The following ZSWIM9 variants were observed in gnomAD, a reference collection of about 807,000 sequenced individuals.
The protein encoded by ZSWIM9 is uncharacterized protein ZSWIM9.
A neutral mutation model predicts 25.0 loss-of-function variants in ZSWIM9; 11 were observed. The observed-to-expected ratio is 0.44, with a 90% CI of 0.28 to 0.73. The LOEUF is 0.73. Ranked by LOEUF, ZSWIM9 falls within the 30% of genes least tolerant of loss-of-function variation. The probability of loss-of-function intolerance (pLI) is 0.16; values close to 1 mark genes in which losing one functional copy is unlikely to be tolerated. For synonymous variants in ZSWIM9, 562 were observed against 582.1 expected, an observed-to-expected ratio of 0.97 and a Z score of 0.50; for missense variants, 1,070 against 1,296.5, an observed-to-expected ratio of 0.83 and a Z score of 2.68.
At chr19:48,171,049 C>A (rs995369242) in intron 1 of ZSWIM9, among the ~76,000 whole-genome samples, 1 of 151,994 alleles carries the variant, frequency 6.6e-6, no homozygotes, top group African/African-American at 2.4e-5. Flanking sequence ...GTGACACTTC[C>A]GAGGAGAACT....
chr19:48,181,369 T>C (rs2036947191), intron 2 of ZSWIM9: 1 of 152,236 alleles, frequency 6.6e-6, no homozygotes, highest in Non-Finnish European at 1.5e-5. Context: ...TCAGTTTCTC[T>C]TTCATGTCTG....
chr19:48,187,938 A>AG (rs1403565978), intron 3 of ZSWIM9, among the ~76,000 whole-genome samples: 15 of 144,660 alleles, frequency 1.0e-4, no homozygotes, highest in Middle Eastern at 6.9e-3. Flanking sequence ...GAGACCCTTT[A>AG]AATAGATAGA....
intron 2 of ZSWIM9, among the ~76,000 whole-genome samples, chr19:48,178,790 G>T (rs535412270): frequency 6.6e-6 from 1 of 152,202 alleles, no homozygotes; most frequent in African/African-American, 2.4e-5. Context: ...TGGTCAGACT[G>T]GTCTCGAACT....
chr19:48,196,682 G>A lies in ZSWIM9; in HGVS notation c.2618G>A (p.Gly873Glu), dbSNP rs1191662674. 8.1e-7 allele frequency: 1 copy of A among 1,232,896 alleles called. No homozygotes were observed. The highest frequency in any genetic ancestry group is 1.0e-6 in the Non-Finnish European group (1 of 988,568). The allele number at this position is 1,232,896 out of a possible 1,614,324, so 76.4% of individuals were successfully genotyped here. ...KDGTSDFFLD[G>E]ALTRCSCSIH... is the part of the protein sequence containing the mutation. ...GGCACCTCGGACTTCTTCCTGGATG[G>A]GGCCCTGACACGCTGCAGCTGCTCA... is the stretch of plus-strand genomic sequence containing the variant. Residue 873 changes from glycine to glutamate, a missense_variant, in exon 4 of 4, where the codon GGG becomes GAG. Coordinates refer to ENST00000614654, the MANE Select transcript of ZSWIM9 (RefSeq NM_199341.4).
chr19:48,178,059 A>G lies in ZSWIM9; in HGVS notation c.276-4396A>G, dbSNP rs949238409. Among the ~76,000 whole-genome samples the G allele has an allele frequency of 3.9e-5, 6 of 152,086 alleles. No individual in the cohort carries two copies. In the East Asian group the frequency reaches 7.7e-4, roughly 20 times the overall value. On this transcript the variant is annotated intron_variant, in intron 2 of 3. Coordinates refer to ENST00000614654, the MANE Select transcript of ZSWIM9 (RefSeq NM_199341.4). ...ATTACAGGTGCCCGCCACCACGCTC[A>G]GCTAATTTTTGTATTTTTAGTAGAG...
At chr19:48,192,318 C>T (rs768086123) in intron 3 of ZSWIM9, among the ~76,000 whole-genome samples, 4 of 149,626 alleles carry the variant, frequency 2.7e-5, no homozygotes, top group East Asian at 2.0e-4. Flanking sequence ...GGCGTGGTGG[C>T]GGGCACCTGT....
intron 3 of ZSWIM9, among the ~76,000 whole-genome samples, chr19:48,188,517 G>T (rs1014660963): frequency 6.6e-6 from 1 of 151,390 alleles, no homozygotes; most frequent in South Asian, 2.1e-4. Context: ...GTGAGCCACC[G>T]CACCCAACCT....
intron 3 of ZSWIM9, among the ~76,000 whole-genome samples, chr19:48,189,097 CA>C (rs963566442): frequency 3.9e-5 from 6 of 152,066 alleles, no homozygotes; most frequent in African/African-American, 1.4e-4. Flanking sequence ...CAATATCTAT[CA>C]AAATGACAAG....
intron 2 of ZSWIM9, among the ~76,000 whole-genome samples, chr19:48,176,387 G>A (rs1416730341): frequency 1.3e-5 from 2 of 152,126 alleles, no homozygotes; most frequent in Admixed American, 6.5e-5. Flanking sequence ...TGAGAGACTA[G>A]TATTACTATT....
chr19:48,172,214 G>A (rs2036839001), intron 2 of ZSWIM9, 137 bp downstream of exon 2: 1 of 769,694 alleles, frequency 1.3e-6, no homozygotes, highest in Non-Finnish European at 2.0e-6. Flanking sequence ...AATACACCTT[G>A]CAGAGAGGCG....
At chr19:48,193,932 T>C (rs1029512456) in intron 3 of ZSWIM9, among the ~76,000 whole-genome samples, 4 of 152,154 alleles carry the variant, frequency 2.6e-5, no homozygotes, top group African/African-American at 9.7e-5. Flanking sequence ...GATCTTGGCC[T>C]CAGAGGCTAT....
At chr19:48,171,412 G>T in intron 1 of ZSWIM9, 1 of 984,122 alleles carries the variant, frequency 1.0e-6, no homozygotes, top group Non-Finnish European at 1.2e-6. Context: ...GACACAGCTG[G>T]AAGGGGAGGA....
At position 48,195,685 on chromosome 19, in the gene ZSWIM9, T is replaced by A. The variant is rs1235427639; in HGVS notation, c.1621T>A (p.Leu541Met). ...GCCGAGGGGACTGGAAGGGGGTGTC[T>A]TGAGAGGGTCGAAGTTAGAGAAAGG... ...QKPRGLEGGVLRGSKLEKGHL... is the reference protein window; with the variant it reads ...QKPRGLEGGVMRGSKLEKGHL... Residue 541 changes from leucine (L) to methionine (M), a missense_variant, in exon 4 of 4, where the codon TTG becomes ATG. By Grantham distance (15) the Leu-to-Met change is conservative. Coordinates refer to ENST00000614654, the MANE Select transcript of ZSWIM9 (RefSeq NM_199341.4). The surrounding 1 kb of genome is among the most constrained non-coding windows in gnomAD (Gnocchi z 5.8). 4.8e-6 allele frequency: 7 copies of A among 1,452,104 alleles called. No individual in the cohort carries two copies. Among genetic ancestry groups the A allele is most frequent in the Middle Eastern group, 1.8e-4 (1 of 5,614 alleles). 90.0% of individuals were successfully genotyped at this position (1,452,104 alleles called of 1,614,324 possible).
chr19:48,189,612 T>C (rs967579744), intron 3 of ZSWIM9: 1 of 154,240 alleles, frequency 6.5e-6, no homozygotes. Context: ...AGGAACTATT[T>C]TGAAAGATCT....
chr19:48,187,459 A>ATATAT (rs1416122137), intron 3 of ZSWIM9, among the ~76,000 whole-genome samples: 3 of 81,262 alleles, frequency 3.7e-5, no homozygotes, highest in Non-Finnish European at 4.6e-5. Context: ...ATTATATATT[A>ATATAT]ATTATATATA....
At position 48,182,354 on chromosome 19, in the gene ZSWIM9, C is replaced by A; in HGVS notation, c.276-101C>A. ...TTAGGGCCCTCTACTCTTCTCTATG[C>A]CTGAAACAATTCTTAGTTTAAAAAA... On this transcript the variant is annotated intron_variant, in intron 2 of 3. Coordinates refer to ENST00000614654, the MANE Select transcript of ZSWIM9 (RefSeq NM_199341.4). The surrounding 1 kb of genome is among the most constrained non-coding windows in gnomAD (Gnocchi z 4.6). The A allele has an allele frequency of 2.9e-6, 3 of 1,024,628 alleles. No individual in the cohort carries two copies. Among genetic ancestry groups the A allele is most frequent in the Non-Finnish European group, 2.8e-6 (2 of 726,604 alleles). The allele number at this position is 1,024,628 out of a possible 1,614,324, so 63.5% of individuals were successfully genotyped here.
Position 48,194,844 on chromosome 19 carries a change from C to A in ZSWIM9, c.780C>A (p.Cys260Ter). 5 of 1,381,402 alleles carry A rather than the reference C, an allele frequency of 3.6e-6. No homozygotes were observed. The highest frequency in any genetic ancestry group is 4.6e-6 in the Non-Finnish European group (5 of 1,076,242). The allele number at this position is 1,381,402 out of a possible 1,614,324, so 85.6% of individuals were successfully genotyped here. A position where few individuals can be genotyped will look rare whatever the true frequency, so the allele number is the denominator to read the frequency against. The change falls in exon 4 of 4, where the codon TGC becomes TGA. Residue 260 changes from cysteine (C) to a stop codon, truncating the protein, a stop_gained. Transcript: ENST00000614654. LOFTEE classifies it low-confidence loss of function (END_TRUNC). This position sits in a 1 kb window ranked among gnomAD's most constrained non-coding sequence, Gnocchi z 6.0. ...DGSGRARQAA[C>*]CVARPGTPSL... The stretch of plus-strand genomic sequence containing the variant: ...CGGGCCGTGCGCGCCAGGCTGCCTG[C>A]TGCGTGGCGCGCCCGGGCACACCGA...
chr19:48,179,055 A>G (rs1693417826), intron 2 of ZSWIM9, among the ~76,000 whole-genome samples: 1 of 152,210 alleles, frequency 6.6e-6, no homozygotes, highest in African/African-American at 2.4e-5. Flanking sequence ...AAAAATGCTG[A>G]TATTACCCCA....
chr19:48,182,321 G>A lies in ZSWIM9; in HGVS notation c.276-134G>A. The A allele has an allele frequency of 2.7e-6, 2 of 734,856 alleles. No individual in the cohort carries two copies. Among genetic ancestry groups the A allele is most frequent in the East Asian group, 2.7e-5 (1 of 36,880 alleles). The allele number at this position is 734,856 out of a possible 1,614,324, so 45.5% of individuals were successfully genotyped here. On this transcript the variant is annotated intron_variant, in intron 2 of 3. Transcript: ENST00000614654. This position sits in a 1 kb window ranked among gnomAD's most constrained non-coding sequence, Gnocchi z 4.6. ...TGACTTGCCCCAGGTCACACAGCTG[G>A]CATATTCTTAGGGCCCTCTACTCTT...
Sources: gnomAD v4.1 joint callset for allele counts (sites outside exome capture counted in the v4.1 genomes callset) on GRCh38, gnomAD v4.1.1 for gene constraint, Gnocchi (gnomAD v3.1) non-coding constraint, MANE v1.5 for transcripts, NCBI Gene and HGNC (gene_info 2026-07-23, HGNC 2026-07-21) for gene names.